MTG1: variants seen among roughly 807,000 people sequenced by gnomAD.
MTG1 encodes the protein mitochondrial ribosome associated GTPase 1.
MTG1 carries 30 observed loss-of-function variants against 39.5 expected under a neutral mutation model. That is an observed-to-expected ratio of 0.76 (90% confidence interval 0.57 to 1.03). The LOEUF (loss-of-function observed/expected upper bound fraction) is 1.03, where lower values mean the gene tolerates loss of function less well. MTG1 is among the 50% of genes least tolerant of loss of function. The pLI, the probability that MTG1 is intolerant of heterozygous loss-of-function variation, is 0.00. For missense variants in MTG1, 513 were observed against 447.4 expected, an observed-to-expected ratio of 1.15 and a Z score of -1.32; for synonymous variants, 217 against 179.0, an observed-to-expected ratio of 1.21 and a Z score of -1.69.
At chr10:133,414,856 T>C (rs1850098428) in intron 9 of MTG1, among the ~76,000 whole-genome samples, 1 of 152,218 alleles carries the variant, frequency 6.6e-6, no homozygotes, top group South Asian at 2.1e-4. Flanking sequence ...ATCACACCAC[T>C]GCACTCCAGC....
At chr10:133,413,939 A>C (rs971547679) in intron 9 of MTG1, among the ~76,000 whole-genome samples, 2 of 121,112 alleles carry the variant, frequency 1.7e-5, no homozygotes, top group African/African-American at 6.4e-5. Flanking sequence ...TTTTTTATTG[A>C]TCATTCTTGG....
At chr10:133,417,863 T>G (rs1229219802) in intron 9 of MTG1, among the ~76,000 whole-genome samples, 79 of 152,214 alleles carry the variant, frequency 5.2e-4, no homozygotes, top group Admixed American at 2.2e-3. Flanking sequence ...CACTGCTCAA[T>G]GAAATAAAAG....
intron 3 of MTG1, among the ~76,000 whole-genome samples, chr10:133,397,292 A>G (rs968461578): frequency 2.6e-5 from 4 of 152,070 alleles, no homozygotes; most frequent in Admixed American, 6.5e-5. Context: ...TCCAGTGGAC[A>G]CATGACCCAC....
chr10:133,417,868 T>G (rs551313304), intron 9 of MTG1, among the ~76,000 whole-genome samples: 1 of 152,156 alleles, frequency 6.6e-6, no homozygotes. Context: ...CTCAATGAAA[T>G]AAAAGAGAAT....
At chr10:133,401,884 C>T in intron 7 of MTG1, 1 of 608,348 alleles carries the variant, frequency 1.6e-6, no homozygotes, top group East Asian at 2.8e-5. Flanking sequence ...CCCCCCGCCC[C>T]ACCCTCCACT....
At chr10:133,399,752 G>C in intron 6 of MTG1, 133 bp downstream of exon 6, 1 of 861,492 alleles carries the variant, frequency 1.2e-6, no homozygotes, top group Non-Finnish European at 1.9e-6. Flanking sequence ...CGCAGCCCCA[G>C]AGCACATCTT....
intron 7 of MTG1, 86 bp downstream of exon 7, chr10:133,401,676 T>A (rs779408493): frequency 7.5e-7 from 1 of 1,326,346 alleles, no homozygotes; most frequent in South Asian, 1.2e-5. Flanking sequence ...GGCTTCCGGC[T>A]GCTGACCACG....
At chr10:133,414,009 C>A (rs1211057188) in intron 9 of MTG1, among the ~76,000 whole-genome samples, 1 of 148,604 alleles carries the variant, frequency 6.7e-6, no homozygotes, top group African/African-American at 2.5e-5. Context: ...GGAAGGTCAG[C>A]AGATAAACAA....
In MTG1 at chr10:133,402,837, AAAC is replaced by A; in HGVS notation, c.752+67_752+69del. ...CCTAGTCACCTCATTTAAAAAAAAAAAACAAACAAAAAAACCCCCAGCATTATA... is the reference window on the plus strand; with the variant it reads ...CCTAGTCACCTCATTTAAAAAAAAAAAAACAAAAAAACCCCCAGCATTATA... On this transcript the variant is annotated intron_variant, in intron 9 of 10. Transcript: ENST00000317502. The surrounding 1 kb of genome is among the most constrained non-coding windows in gnomAD (Gnocchi z 4.7). The A allele has an allele frequency of 4.6e-5, 58 of 1,249,004 alleles. No individual in the cohort carries two copies. Among genetic ancestry groups the A allele is most frequent in the Middle Eastern group, 1.9e-4 (1 of 5,182 alleles). The allele number at this position is 1,249,004 out of a possible 1,614,324, so 77.4% of individuals were successfully genotyped here.
At chr10:133,401,279 C>G (rs193188431) in intron 6 of MTG1, 1 of 409,378 alleles carries the variant, frequency 2.4e-6, no homozygotes, top group Admixed American at 4.3e-5. Context: ...TGGAAAGTGC[C>G]CTTGCTGTGA....
chr10:133,421,494 C>T lies in MTG1; in HGVS notation c.*1329C>T, dbSNP rs1348767378. On this transcript the variant is annotated 3_prime_UTR_variant, in exon 11 of 11. Coordinates refer to ENST00000317502, the MANE Select transcript of MTG1 (RefSeq NM_138384.4). ...ACCCCCTGCCTCCTGGGGGAAATGT[C>T]AGAAGGGCTTCTCTGCCTATGAGGA... 1 of 152,780 alleles carries T rather than the reference C, an allele frequency of 6.5e-6. No individual in the cohort carries two copies. Among genetic ancestry groups the T allele is most frequent in the East Asian group, 1.9e-4 (1 of 5,192 alleles). 9.5% of individuals were successfully genotyped at this position (152,780 alleles called of 1,614,324 possible).
At chr10:133,412,242 T>C (rs1358052680) in intron 9 of MTG1, among the ~76,000 whole-genome samples, 1 of 152,248 alleles carries the variant, frequency 6.6e-6, no homozygotes, top group Non-Finnish European at 1.5e-5. Flanking sequence ...CCAGATTGCT[T>C]CTACTTCTCT....
At position 133,399,205 on chromosome 10, in the gene MTG1, C is replaced by G; in HGVS notation, c.399C>G (p.Ser133Arg). The G allele has an allele frequency of 6.2e-7, 1 of 1,613,998 alleles. No individual in the cohort carries two copies. Among genetic ancestry groups the G allele is most frequent in the Non-Finnish European group, 8.5e-7 (1 of 1,180,004 alleles). Residue 133 changes from serine to arginine, a missense_variant, in exon 5 of 11, where the codon AGC becomes AGG. By Grantham distance (110) the Ser-to-Arg change is moderately radical. Coordinates refer to ENST00000317502, the MANE Select transcript of MTG1 (RefSeq NM_138384.4). Reference sequence around the variant, plus strand: ...TGGTCACTGAACTGATTGGGAGAAGCCACCGCTACCACCGAAAAGAGGTTG... The same window carrying G: ...TGGTCACTGAACTGATTGGGAGAAGGCACCGCTACCACCGAAAAGAGGTTG... ...IPMVTELIGR[S>R]HRYHRKENLE...
At position 133,417,227 on chromosome 10, in the gene MTG1, C is replaced by T. The variant is rs375800076; in HGVS notation, c.753-2253C>T. ...TGGGATGCAAGGCTGGTTCAATATA[C>T]GCAAATCAATAAATGTAATCCAGCA... On this transcript the variant is annotated intron_variant, in intron 9 of 10. Coordinates refer to ENST00000317502, the MANE Select transcript of MTG1 (RefSeq NM_138384.4). 9.2e-4 allele frequency among the ~76,000 whole-genome samples: 140 copies of T among 151,660 alleles called. 1 individual carries two copies. The East Asian group carries it at 0.016, about 17-fold the overall frequency.
chr10:133,395,576 A>G (rs1185551500), intron 1 of MTG1, 137 bp from the exon 2 acceptor site: 1 of 800,426 alleles, frequency 1.2e-6, no homozygotes, highest in Admixed American at 2.2e-5. Flanking sequence ...ATCTGTTACC[A>G]TTACTTAGTA....
At chr10:133,400,193 AAAAAAAAAAG>A (rs1849853752) in intron 6 of MTG1, among the ~76,000 whole-genome samples, 1 of 150,322 alleles carries the variant, frequency 6.7e-6, no homozygotes, top group Non-Finnish European at 1.5e-5. Flanking sequence ...CTCCGTCTCA[AAAAAAAAAAG>A]AAAAGAAAAG....
Position 133,402,375 on chromosome 10 carries a change from T to C in MTG1, c.670+130T>C. The C allele has an allele frequency of 9.4e-7, 1 of 1,065,378 alleles. No individual in the cohort carries two copies. The highest frequency in any genetic ancestry group is 1.4e-6 in the Non-Finnish European group (1 of 711,804). 66.0% of individuals were successfully genotyped at this position (1,065,378 alleles called of 1,614,324 possible). A position where few individuals can be genotyped will look rare whatever the true frequency, so the allele number is the denominator to read the frequency against. The stretch of plus-strand genomic sequence containing the variant: ...CCTTTGACCTGGTTGCTGCCAGACC[T>C]TCCTCGAAGCTTAGTGTGAGAGCTG... On this transcript the variant is annotated intron_variant, in intron 8 of 10. Coordinates refer to ENST00000317502, the MANE Select transcript of MTG1 (RefSeq NM_138384.4). This position sits in a 1 kb window ranked among gnomAD's most constrained non-coding sequence, Gnocchi z 4.7.
At chr10:133,401,360 G>T (rs1849871499) in intron 6 of MTG1, 169 bp from the exon 7 acceptor site, 2 of 531,622 alleles carry the variant, frequency 3.8e-6, no homozygotes, top group African/African-American at 3.9e-5. Context: ...TTTCCATTTT[G>T]GCCAGATATG....
chr10:133,410,194 G>A (rs1396654919), intron 9 of MTG1, among the ~76,000 whole-genome samples: 2 of 152,058 alleles, frequency 1.3e-5, no homozygotes, highest in African/African-American at 4.8e-5. Context: ...ACAGGCGTGT[G>A]CCACCACACC....
Sources: allele counts gnomAD v4.1 joint callset (sites outside exome capture counted in the v4.1 genomes callset), GRCh38; gene constraint gnomAD v4.1.1; non-coding constraint Gnocchi (gnomAD v3.1); transcripts MANE v1.5; gene names NCBI Gene and HGNC (gene_info 2026-07-23, HGNC 2026-07-21).